The following LRRTM1 variants were observed in gnomAD, a reference collection of about 807,000 sequenced individuals.
LRRTM1 encodes leucine-rich repeat transmembrane neuronal protein 1.
A neutral mutation model predicts 37.3 loss-of-function variants in LRRTM1; 8 were observed. The observed-to-expected ratio is 0.21, with a 90% CI of 0.13 to 0.39. LRRTM1 has a LOEUF of 0.39. LRRTM1 is among the 10% of genes least tolerant of loss of function. The pLI, the probability that LRRTM1 is intolerant of heterozygous loss-of-function variation, is 1.00. For synonymous variants in LRRTM1, 326 were observed against 316.8 expected, an observed-to-expected ratio of 1.03 and a Z score of -0.31; for missense variants, 557 against 691.0, an observed-to-expected ratio of 0.81 and a Z score of 2.17.
chr2:80,294,241 C>T (rs1045098735), intron 2 of LRRTM1, among the ~76,000 whole-genome samples: 2 of 152,160 alleles, frequency 1.3e-5, no homozygotes, highest in African/African-American at 4.8e-5. Flanking sequence ...AAGTTTATGT[C>T]TGCCTTGTGA....
At chr2:80,294,373 C>T (rs1393365966) in intron 2 of LRRTM1, among the ~76,000 whole-genome samples, 1 of 152,146 alleles carries the variant, frequency 6.6e-6, no homozygotes, top group Admixed American at 6.5e-5. Context: ...ATCAGTGCCA[C>T]CAGATGGAGT....
intron 2 of LRRTM1, among the ~76,000 whole-genome samples, chr2:80,290,578 C>A (rs1245042198): frequency 6.6e-6 from 1 of 151,808 alleles, no homozygotes; most frequent in Non-Finnish European, 1.5e-5. Flanking sequence ...CCACTGCCCC[C>A]TTGAAAATAC....
In LRRTM1 at chr2:80,302,408, T is replaced by G. The variant is rs554364697; in HGVS notation, c.1412A>C (p.Gln471Pro). 197 of 1,614,258 alleles carry G rather than the reference T, an allele frequency of 1.2e-4. 1 individual carries two copies. The South Asian group carries it at 1.6e-3, about 13-fold the overall frequency. ...CTGATGCATGGTCTGTTTCTGCTTT[T>G]GCTTCCTGCGCTGCGTGACAAAGCA... ...RQCFVTQRRK[Q>P]KQKQTMHQMA... The change falls in exon 2 of 2, where the codon CAA (glutamine) becomes CCA (proline). Residue 471 changes from glutamine (Q) to proline (P), a missense_variant. Physicochemically the swap from Gln to Pro is moderately conservative, Grantham distance 76. Transcript: ENST00000295057. This position sits in a 1 kb window ranked among gnomAD's most constrained non-coding sequence, Gnocchi z 6.4.
At chr2:80,296,998 C>T (rs1336936178), downstream of LRRTM1, among the ~76,000 whole-genome samples, 2 of 152,212 alleles carry the variant, frequency 1.3e-5, no homozygotes, top group Non-Finnish European at 2.9e-5. Flanking sequence ...ACTTTACTCT[C>T]TCTGAGTCTA....
At chr2:80,293,380 G>A (rs1297230541) in intron 2 of LRRTM1, among the ~76,000 whole-genome samples, 1 of 152,206 alleles carries the variant, frequency 6.6e-6, no homozygotes, top group Non-Finnish European at 1.5e-5. Context: ...GTTCTTCACT[G>A]AGGATAAATA....
At chr2:80,294,757 G>T (rs998394928) in intron 2 of LRRTM1, among the ~76,000 whole-genome samples, 1 of 152,174 alleles carries the variant, frequency 6.6e-6, no homozygotes, top group Non-Finnish European at 1.5e-5. Flanking sequence ...CTCCCAAGTG[G>T]TTCCAGTGTG....
chr2:80,301,205 T>C (rs1676276156), downstream of LRRTM1, among the ~76,000 whole-genome samples: 1 of 152,194 alleles, frequency 6.6e-6, no homozygotes, highest in Non-Finnish European at 1.5e-5. Flanking sequence ...AAACTAGGAA[T>C]GTGCTGTCAC....
At chr2:80,291,358 A>G (rs1675219029) in intron 2 of LRRTM1, among the ~76,000 whole-genome samples, 1 of 152,198 alleles carries the variant, frequency 6.6e-6, no homozygotes, top group Admixed American at 6.5e-5. Flanking sequence ...AGACCTAAGA[A>G]AGAAAGGTCT....
downstream of LRRTM1, among the ~76,000 whole-genome samples, chr2:80,301,238 G>A (rs2149204215): frequency 6.6e-6 from 1 of 152,324 alleles, no homozygotes; most frequent in East Asian, 1.9e-4. Context: ...TAAGCTTGCT[G>A]CAGTCTTAGC....
At chr2:80,290,163 G>C (rs1360348451) in intron 2 of LRRTM1, among the ~76,000 whole-genome samples, 1 of 152,178 alleles carries the variant, frequency 6.6e-6, no homozygotes, top group Non-Finnish European at 1.5e-5. Flanking sequence ...TTGAGGTACA[G>C]AAAAGTGCTG....
At chr2:80,289,013 C>T (rs1327386351) in exon 3 of LRRTM1, 5 of 152,218 alleles carry the variant, frequency 3.3e-5, no homozygotes, top group Admixed American at 6.5e-5. Context: ...AGAAAAACAA[C>T]GCGTGCACTT....
chr2:80,301,049 T>G (rs746126823), downstream of LRRTM1, among the ~76,000 whole-genome samples: 1 of 152,042 alleles, frequency 6.6e-6, no homozygotes, highest in Non-Finnish European at 1.5e-5. Flanking sequence ...CTCAGAAATA[T>G]GCAAACACAG....
In LRRTM1 at chr2:80,303,442, G is replaced by C. The variant is rs1676566952; in HGVS notation, c.378C>G (p.Thr126=). The C allele has an allele frequency of 2.5e-6, 4 of 1,614,102 alleles. No individual in the cohort carries two copies. Among genetic ancestry groups the C allele is most frequent in the African/African-American group, 2.7e-5 (2 of 74,926 alleles). ...KELTLSSNQI[T]QLPNTTFRPM... ...GCCGGAAGGTGGTGTTGGGCAGTTG[G>C]GTGATCTGGTTGGAACTCAGCGTGA... The change falls in exon 2 of 2, where the codon ACC becomes ACG. Residue 126 remains threonine, a synonymous_variant. Coordinates refer to ENST00000295057, the MANE Select transcript of LRRTM1 (RefSeq NM_178839.5). This position sits in a 1 kb window ranked among gnomAD's most constrained non-coding sequence, Gnocchi z 7.7.
rs1416271114 is a variant in LRRTM1 at position 80,302,716 on chromosome 2, C to T, written c.1104G>A (p.Glu368=). The part of the protein sequence containing the change: ...YAFHLCEDGA[E]PTSGHLLSAV... Reference sequence around the variant, plus strand: ...CCGAGAGCAGGTGGCCGCTGGTGGGCTCGGCCCCATCCTCGCACAGGTGGA... The same window carrying T: ...CCGAGAGCAGGTGGCCGCTGGTGGGTTCGGCCCCATCCTCGCACAGGTGGA... The change falls in exon 2 of 2, where the codon GAG becomes GAA. Residue 368 remains glutamate, a synonymous_variant. Coordinates refer to ENST00000295057, the MANE Select transcript of LRRTM1 (RefSeq NM_178839.5). The surrounding 1 kb of genome is among the most constrained non-coding windows in gnomAD (Gnocchi z 6.4). The T allele has an allele frequency of 2.5e-6, 4 of 1,612,738 alleles. No homozygotes were observed. The highest frequency in any genetic ancestry group is 3.4e-6 in the Non-Finnish European group (4 of 1,179,822).
Position 80,292,805 on chromosome 2 carries a change from C to G in LRRTM1, c.*307-3610G>C, listed in dbSNP as rs115353224. On this transcript the variant is annotated intron_variant and NMD_transcript_variant, in intron 2 of 2. Transcript: ENST00000417012. ...TGCTACTTTGATTGAATGAGTTGAGCAATATAATCGGAAGTTAAAAGCATC... is the reference window on the plus strand; with the variant it reads ...TGCTACTTTGATTGAATGAGTTGAGGAATATAATCGGAAGTTAAAAGCATC... 3.2e-3 allele frequency among the ~76,000 whole-genome samples: 491 copies of G among 152,260 alleles called. 3 individuals carry two copies. Among genetic ancestry groups the G allele is most frequent in the African/African-American group, 0.011 (470 of 41,552 alleles).
chr2:80,300,276 G>A (rs1354552507), downstream of LRRTM1, among the ~76,000 whole-genome samples: 2 of 126,982 alleles, frequency 1.6e-5, no homozygotes, highest in African/African-American at 3.0e-5. Flanking sequence ...GAGCTGGGGT[G>A]TTGGGGTGTG....
In LRRTM1 at chr2:80,302,613, C is replaced by T; in HGVS notation, c.1207G>A (p.Asp403Asn). The T allele has an allele frequency of 6.2e-7, 1 of 1,605,592 alleles. No homozygotes were observed. The highest frequency in any genetic ancestry group is 1.1e-5 in the South Asian group (1 of 90,972). Residue 403 changes from aspartate to asparagine, a missense_variant, in exon 2 of 2, where the codon GAC becomes AAC. By Grantham distance (23) the Asp-to-Asn change is conservative. Around this residue, in one of 5 missense-constraint regions of LRRTM1, gnomAD observed 89 missense variants for 80.7 expected, o/e 1.10. Coordinates refer to ENST00000295057, the MANE Select transcript of LRRTM1 (RefSeq NM_178839.5). The surrounding 1 kb of genome is among the most constrained non-coding windows in gnomAD (Gnocchi z 6.4). Reference sequence around the variant, plus strand: ...ACGGTGGCAGGCTCGAATGTGCCGTCGTGCTGCCCCTCCCCGCCGTCCGCG... The same window carrying T: ...ACGGTGGCAGGCTCGAATGTGCCGTTGTGCTGCCCCTCCCCGCCGTCCGCG... The part of the protein sequence containing the change: ...TLADGGEGQH[D>N]GTFEPATVAL...
chr2:80,303,405 G>A lies in LRRTM1; in HGVS notation c.415C>T (p.Leu139=), dbSNP rs576413227. 4 of 1,614,228 alleles carry A rather than the reference G, an allele frequency of 2.5e-6. No homozygotes were observed. The African/African-American group carries it at 4.0e-5, about 16-fold the overall frequency. The part of the protein sequence containing the change: ...PNTTFRPMPN[L]RSVDLSYNKL... ...TTGTACGAGAGGTCCACGCTGCGCA[G>A]GTTGGGCATGGGCCGGAAGGTGGTG... The change falls in exon 2 of 2, where the codon CTG becomes TTG. Residue 139 remains leucine (L), a synonymous_variant. Transcript: ENST00000295057. The surrounding 1 kb of genome is among the most constrained non-coding windows in gnomAD (Gnocchi z 7.7).
chr2:80,303,108 G>A lies in LRRTM1; in HGVS notation c.712C>T (p.Leu238Phe). Reference protein sequence around the residue: ...HFPRLISLHSLCLRRNKVAIV... With the variant: ...HFPRLISLHSFCLRRNKVAIV... ...GCCACCTTGTTCCTCCGCAGGCAGA[G>A]CGAGTGCAGGGAGATGAGGCGCGGG... Residue 238 changes from leucine to phenylalanine, a missense_variant, in exon 2 of 2, where the codon CTC (leucine) becomes TTC (phenylalanine). Physicochemically the swap from Leu to Phe is conservative, Grantham distance 22. Transcript: ENST00000295057. This position sits in a 1 kb window ranked among gnomAD's most constrained non-coding sequence, Gnocchi z 7.7. 1 of 1,614,144 alleles carries A rather than the reference G, an allele frequency of 6.2e-7. No individual in the cohort carries two copies. The highest frequency in any genetic ancestry group is 8.5e-7 in the Non-Finnish European group (1 of 1,180,042).
Sources: gnomAD v4.1 joint callset for allele counts (sites outside exome capture counted in the v4.1 genomes callset) on GRCh38, gnomAD v4.1.1 for gene constraint, gnomAD v4.1.1 regional missense constraint, Gnocchi (gnomAD v3.1) non-coding constraint, MANE v1.5 for transcripts, NCBI Gene and HGNC (gene_info 2026-07-23, HGNC 2026-07-21) for gene names.